Variants in CAB39 observed in about 807,000 individuals in gnomAD.
The protein encoded by CAB39 is calcium binding protein 39.
A neutral mutation model predicts 40.0 loss-of-function variants in CAB39; 8 were observed. That is an observed-to-expected ratio of 0.20 (90% CI 0.12 to 0.36). CAB39 has a LOEUF of 0.36. Ranked by LOEUF, CAB39 falls within the 10% of genes least tolerant of loss-of-function variation. The probability of loss-of-function intolerance (pLI) is 1.00; values close to 1 mark genes in which losing one functional copy is unlikely to be tolerated. For missense variants in CAB39, 270 were observed against 401.1 expected (o/e 0.67, Z 2.79); for synonymous variants, 156 against 141.6 (o/e 1.10, Z -0.72).
At chr2:230,782,794 T>TTTC (rs1167541423) in intron 2 of CAB39, among the ~76,000 whole-genome samples, 5 of 115,376 alleles carry the variant, frequency 4.3e-5, no homozygotes, top group African/African-American at 1.4e-4. Context: ...CTGCTGTTTC[T>TTTC]TTCTTTCTTT....
At position 230,722,577 on chromosome 2, in the gene CAB39, C is replaced by T. The variant is rs542658084; in HGVS notation, c.-44+9347C>T. 2.0e-5 allele frequency among the ~76,000 whole-genome samples: 3 copies of T among 152,326 alleles called. 1 individual carries two copies. In the South Asian group the frequency reaches 6.2e-4, roughly 32 times the overall value. ...TGTTGTTGGGCAGGGTGTTTAATGC[C>T]TCTTTTTCCTCAGCTTTCTCATTTG... On this transcript the variant is annotated intron_variant, in intron 1 of 8. Coordinates refer to ENST00000258418, the MANE Select transcript of CAB39 (RefSeq NM_016289.4).
intron 2 of CAB39, among the ~76,000 whole-genome samples, chr2:230,771,601 A>G (rs1695484262): frequency 6.6e-6 from 1 of 152,216 alleles, no homozygotes; most frequent in South Asian, 2.1e-4. Flanking sequence ...TTTTTAAATC[A>G]AAGAGTTTGT....
intron 7 of CAB39, among the ~76,000 whole-genome samples, chr2:230,816,851 A>G (rs1696410846): frequency 6.6e-6 from 1 of 152,170 alleles, no homozygotes; most frequent in African/African-American, 2.4e-5. Context: ...GCTCACAAGA[A>G]GTAGGGAGCC....
In CAB39 at chr2:230,785,279, G is replaced by A. The variant is rs557561403; in HGVS notation, c.115-5593G>A. Among the ~76,000 whole-genome samples, 8 of 151,826 alleles carry A rather than the reference G, an allele frequency of 5.3e-5. No individual in the cohort carries two copies. The South Asian group carries it at 1.7e-3, about 32-fold the overall frequency. ...GACTAGCCAAAAGGATTGGGCTGAAGAGTGAGTGAGGAAAAAGACTTGGAC... is the reference window on the plus strand; with the variant it reads ...GACTAGCCAAAAGGATTGGGCTGAAAAGTGAGTGAGGAAAAAGACTTGGAC... On this transcript the variant is annotated intron_variant, in intron 2 of 8. Coordinates refer to ENST00000258418, the MANE Select transcript of CAB39 (RefSeq NM_016289.4).
intron 5 of CAB39, among the ~76,000 whole-genome samples, chr2:230,800,285 T>G (rs1395850975): frequency 6.6e-6 from 1 of 152,098 alleles, no homozygotes; most frequent in Non-Finnish European, 1.5e-5. Context: ...GGTTTTACCT[T>G]GAATGAGAAT....
chr2:230,785,328 T>C (rs186671122), intron 2 of CAB39, among the ~76,000 whole-genome samples: 15 of 150,738 alleles, frequency 1.0e-4, no homozygotes, highest in Non-Finnish European at 1.9e-4. Context: ...GGCAAATGTT[T>C]TGAGAGGTTT....
intron 5 of CAB39, among the ~76,000 whole-genome samples, chr2:230,802,687 A>T (rs1350276986): frequency 6.6e-6 from 1 of 152,204 alleles, no homozygotes; most frequent in African/African-American, 2.4e-5. Context: ...GGACACATAC[A>T]CCTTCCCAAG....
chr2:230,798,981 A>G, intron 5 of CAB39, 84 bp downstream of exon 5: 1 of 1,018,352 alleles, frequency 9.8e-7, no homozygotes, highest in Non-Finnish European at 1.4e-6. Flanking sequence ...TCCTAAATCT[A>G]CACGTGGCTG....
At chr2:230,730,119 T>G (rs964638591) in intron 1 of CAB39, among the ~76,000 whole-genome samples, 2 of 152,194 alleles carry the variant, frequency 1.3e-5, no homozygotes, top group African/African-American at 4.8e-5. Flanking sequence ...AAATTTTTTC[T>G]TATAATTTTA....
At chr2:230,793,062 G>A (rs1695917604) in intron 3 of CAB39, 151 bp from the exon 4 acceptor site, 2 of 547,728 alleles carry the variant, frequency 3.7e-6, no homozygotes, top group South Asian at 5.7e-5. Flanking sequence ...AATTACAAAT[G>A]AAGAGATAAT....
intron 2 of CAB39, among the ~76,000 whole-genome samples, chr2:230,764,876 A>G (rs1353138251): frequency 6.6e-6 from 1 of 152,270 alleles, no homozygotes; most frequent in African/African-American, 2.4e-5. Context: ...GGTACTTTAT[A>G]TGTACATGCC....
rs371297550 is a variant in CAB39, at chr2:230,773,314, A to ATATATATGTGTGTGTG, written c.114+13200_114+13201insATATATGTGTGTGTGT. Among the ~76,000 whole-genome samples the ATATATATGTGTGTGTG allele has an allele frequency of 1.1e-3, 147 of 132,674 alleles. 1 individual carries two copies. Among genetic ancestry groups the ATATATATGTGTGTGTG allele is most frequent in the African/African-American group, 4.4e-3 (141 of 32,410 alleles). 87.0% of individuals were successfully genotyped at this position (132,674 alleles called of 152,430 possible). A position where few individuals can be genotyped will look rare whatever the true frequency, so the allele number is the denominator to read the frequency against. ...GGTGTATGTGTATATATATATATAT[A>ATATATATGTGTGTGTG]TGTGTGTGTGTGTGTGTGTGTGTGT... On this transcript the variant is annotated intron_variant, in intron 2 of 8. Coordinates refer to ENST00000258418, the MANE Select transcript of CAB39 (RefSeq NM_016289.4).
intron 2 of CAB39, among the ~76,000 whole-genome samples, chr2:230,781,617 G>A (rs1297070986): frequency 2.0e-5 from 3 of 152,202 alleles, no homozygotes; most frequent in East Asian, 1.9e-4. Context: ...TAGGTGACAT[G>A]ATGATTCAGC....
At chr2:230,728,162 TG>T (rs1694621292) in intron 1 of CAB39, among the ~76,000 whole-genome samples, 1 of 152,080 alleles carries the variant, frequency 6.6e-6, no homozygotes, top group Admixed American at 6.6e-5. Context: ...TGCTTGAACC[TG>T]GGAAGTGGAG....
intron 1 of CAB39, among the ~76,000 whole-genome samples, chr2:230,728,239 A>AAAAT (rs78505542): frequency 0.11 from 17,211 of 151,868 alleles, 1,187 homozygotes; most frequent in Middle Eastern, 0.17. Flanking sequence ...CTCCGTCTCA[A>AAAAT]AAATAAATAA....
intron 1 of CAB39, among the ~76,000 whole-genome samples, chr2:230,729,299 A>G (rs763629681): frequency 6.6e-6 from 1 of 152,236 alleles, no homozygotes; most frequent in Non-Finnish European, 1.5e-5. Flanking sequence ...CAAAACAAAG[A>G]TGCCCAGTAA....
At chr2:230,733,655 T>C (rs369953534) in intron 1 of CAB39, among the ~76,000 whole-genome samples, 1 of 152,214 alleles carries the variant, frequency 6.6e-6, no homozygotes. Flanking sequence ...TTTAAATGGT[T>C]GTTACTGGAT....
chr2:230,776,791 T>C (rs945618066), intron 2 of CAB39, among the ~76,000 whole-genome samples: 6 of 151,932 alleles, frequency 3.9e-5, no homozygotes, highest in African/African-American at 1.2e-4. Flanking sequence ...CCTGGGTTCA[T>C]GCCATTCTAC....
intron 1 of CAB39, among the ~76,000 whole-genome samples, chr2:230,752,414 C>T (rs1345700958): frequency 1.3e-5 from 2 of 152,104 alleles, no homozygotes; most frequent in East Asian, 3.9e-4. Context: ...GACTAAGTCC[C>T]AGATCAGGTG....
Sources: gnomAD v4.1 joint callset for allele counts (sites outside exome capture counted in the v4.1 genomes callset) on GRCh38, gnomAD v4.1.1 for gene constraint, MANE v1.5 for transcripts, NCBI Gene and HGNC (gene_info 2026-07-23, HGNC 2026-07-21) for gene names.